CDK8: variants seen among roughly 807,000 people sequenced by gnomAD.
CDK8 encodes the protein cyclin-dependent kinase 8.
CDK8 carries 29 observed loss-of-function variants against 71.5 expected under a neutral mutation model. That is an observed-to-expected ratio of 0.41 (90% CI 0.30 to 0.55). CDK8 has a LOEUF of 0.55. Among genes scored for constraint, CDK8 ranks in the 20% least tolerant of loss-of-function variants. The pLI, the probability that CDK8 is intolerant of heterozygous loss-of-function variation, is 0.37. For missense variants in CDK8, 288 were observed against 572.6 expected (o/e 0.50, Z 5.07); for synonymous variants, 161 against 192.1 (o/e 0.84, Z 1.34).
intron 2 of CDK8, among the ~76,000 whole-genome samples, chr13:26,342,161 C>T (rs983858308): frequency 3.3e-5 from 5 of 152,218 alleles, no homozygotes; most frequent in African/African-American, 1.2e-4. Context: ...GATCCGCCCA[C>T]CTCAGCCTCC....
At chr13:26,312,677 A>C (rs1295626948) in intron 1 of CDK8, among the ~76,000 whole-genome samples, 1 of 152,168 alleles carries the variant, frequency 6.6e-6, no homozygotes, top group African/African-American at 2.4e-5. Flanking sequence ...TTCATTCTTG[A>C]AGTCAGCGAG....
At chr13:26,395,446 G>T (rs1024978353) in intron 7 of CDK8, among the ~76,000 whole-genome samples, 4 of 149,838 alleles carry the variant, frequency 2.7e-5, no homozygotes, top group African/African-American at 9.9e-5. Flanking sequence ...TCGCACCATT[G>T]CACTCCGGCC....
At chr13:26,312,913 A>G (rs916216226) in intron 1 of CDK8, among the ~76,000 whole-genome samples, 1 of 152,218 alleles carries the variant, frequency 6.6e-6, no homozygotes, top group Non-Finnish European at 1.5e-5. Context: ...ACTCATGTAC[A>G]GTGGATTCCT....
chr13:26,296,450 G>T (rs1873566583), intron 1 of CDK8, among the ~76,000 whole-genome samples: 1 of 152,170 alleles, frequency 6.6e-6, no homozygotes, highest in South Asian at 2.1e-4. Flanking sequence ...AGGTTGATGT[G>T]AAAAGGAAGC....
chr13:26,338,325 AT>A (rs1873077008), intron 2 of CDK8, among the ~76,000 whole-genome samples: 1 of 152,080 alleles, frequency 6.6e-6, no homozygotes, highest in Non-Finnish European at 1.5e-5. Flanking sequence ...CAGCCCTTCT[AT>A]TATATTTACC....
intron 1 of CDK8, among the ~76,000 whole-genome samples, chr13:26,331,188 A>C (rs1228150083): frequency 1.3e-5 from 2 of 152,130 alleles, no homozygotes; most frequent in East Asian, 3.9e-4. Context: ...CATTTCTCTG[A>C]TGATTAGTGA....
intron 1 of CDK8, among the ~76,000 whole-genome samples, chr13:26,284,450 A>T (rs1872903400): frequency 6.6e-6 from 1 of 152,194 alleles, no homozygotes; most frequent in African/African-American, 2.4e-5. Flanking sequence ...TGAAATGGGA[A>T]ATACTACAAC....
chr13:26,297,683 A>G (rs1873621985), intron 1 of CDK8, among the ~76,000 whole-genome samples: 1 of 152,192 alleles, frequency 6.6e-6, no homozygotes, highest in African/African-American at 2.4e-5. Context: ...CCATGTCTCC[A>G]GGTTTCAGAT....
chr13:26,354,896 C>T (rs1489633521), intron 4 of CDK8, among the ~76,000 whole-genome samples: 1 of 152,176 alleles, frequency 6.6e-6, no homozygotes, highest in Non-Finnish European at 1.5e-5. Context: ...AATTACATTG[C>T]TTTTATAGTT....
At chr13:26,264,950 T>C (rs960806835) in intron 1 of CDK8, among the ~76,000 whole-genome samples, 1 of 152,238 alleles carries the variant, frequency 6.6e-6, no homozygotes, top group Non-Finnish European at 1.5e-5. Flanking sequence ...TGTGAATATA[T>C]GCCACATTTT....
Position 26,284,211 on chromosome 13 carries a change from T to G in CDK8, c.128+29442T>G, listed in dbSNP as rs187418350. 3.9e-5 allele frequency among the ~76,000 whole-genome samples: 6 copies of G among 152,124 alleles called. No individual in the cohort carries two copies. In the East Asian group the frequency reaches 1.2e-3, roughly 29 times the overall value. On this transcript the variant is annotated intron_variant, in intron 1 of 12. Coordinates refer to ENST00000381527, the MANE Select transcript of CDK8 (RefSeq NM_001260.3). ...GTCTGAAAGAGCACAAAATCTAAGG[T>G]TACACCTCAAGGAACTAAAGAAACG...
At chr13:26,283,406 G>A (rs964437315) in intron 1 of CDK8, among the ~76,000 whole-genome samples, 7 of 151,892 alleles carry the variant, frequency 4.6e-5, no homozygotes, top group Non-Finnish European at 8.8e-5. Context: ...TTAGGAGATC[G>A]AGACCTTCCT....
At chr13:26,264,688 A>G (rs948318637) in intron 1 of CDK8, among the ~76,000 whole-genome samples, 7 of 152,016 alleles carry the variant, frequency 4.6e-5, no homozygotes, top group Non-Finnish European at 8.8e-5. Context: ...ACGTTAATCT[A>G]TATCTGCACC....
At chr13:26,310,316 C>T (rs1029619964) in intron 1 of CDK8, among the ~76,000 whole-genome samples, 6 of 152,162 alleles carry the variant, frequency 3.9e-5, no homozygotes, top group Non-Finnish European at 7.3e-5. Flanking sequence ...TTAACTTGTT[C>T]CCTCTATGTC....
chr13:26,279,977 G>A lies in CDK8; in HGVS notation c.128+25208G>A, dbSNP rs553812640. On this transcript the variant is annotated intron_variant, in intron 1 of 12. Coordinates refer to ENST00000381527, the MANE Select transcript of CDK8 (RefSeq NM_001260.3). ...TGGTTCAGAAGAAAATTGTGTGTGT[G>A]TGTGTGTGTGTATGTGTGTGTAAAG... Among the ~76,000 whole-genome samples, 21 of 152,212 alleles carry A rather than the reference G, an allele frequency of 1.4e-4. No individual in the cohort carries two copies. The East Asian group carries it at 4.1e-3, about 29-fold the overall frequency.
chr13:26,335,747 T>G (rs896936916), intron 1 of CDK8, among the ~76,000 whole-genome samples: 4 of 152,180 alleles, frequency 2.6e-5, no homozygotes, highest in Non-Finnish European at 5.9e-5. Flanking sequence ...CTGTCTGTTC[T>G]CTATAGTAAC....
chr13:26,353,656 T>C, intron 3 of CDK8, 84 bp from the exon 4 acceptor site: 1 of 1,133,730 alleles, frequency 8.8e-7, no homozygotes, highest in South Asian at 1.5e-5. Flanking sequence ...CCTGAGTGTT[T>C]CTTTTTCTGT....
At chr13:26,320,850 A>G (rs1394616390) in intron 1 of CDK8, among the ~76,000 whole-genome samples, 1 of 152,194 alleles carries the variant, frequency 6.6e-6, no homozygotes, top group Non-Finnish European at 1.5e-5. Context: ...AATGGCTACT[A>G]TAAAAAACAA....
chr13:26,341,837 G>T (rs961520072), intron 2 of CDK8, among the ~76,000 whole-genome samples: 7 of 17,254 alleles, frequency 4.1e-4, no homozygotes, highest in African/African-American at 1.7e-3. Context: ...CAGAAAATAA[G>T]ATTTTTTTTT....
Sources: gnomAD v4.1 joint callset for allele counts (sites outside exome capture counted in the v4.1 genomes callset) on GRCh38, gnomAD v4.1.1 for gene constraint, MANE v1.5 for transcripts, NCBI Gene and HGNC (gene_info 2026-07-23, HGNC 2026-07-21) for gene names.